PCGF5: variants seen among roughly 807,000 people sequenced by gnomAD.
The protein encoded by PCGF5 is polycomb group RING finger protein 5.
A neutral mutation model predicts 44.3 loss-of-function variants in PCGF5; 9 were observed. The observed-to-expected ratio is 0.20, with a 90% CI of 0.12 to 0.35. PCGF5 has a LOEUF of 0.35. Ranked by LOEUF, PCGF5 falls within the 10% of genes least tolerant of loss-of-function variation. The probability of loss-of-function intolerance (pLI) is 1.00; values close to 1 mark genes in which losing one functional copy is unlikely to be tolerated. For missense variants in PCGF5, 146 were observed against 305.3 expected, an observed-to-expected ratio of 0.48 and a Z score of 3.89; for synonymous variants, 95 against 102.5, an observed-to-expected ratio of 0.93 and a Z score of 0.44.
chr10:91,199,034 T>G (rs1197548416), intron 1 of PCGF5, among the ~76,000 whole-genome samples: 2 of 152,344 alleles, frequency 1.3e-5, no homozygotes, highest in African/African-American at 4.8e-5. Flanking sequence ...GTTCAGAAAC[T>G]GAAACTGCAT....
intron 9 of PCGF5, 65 bp downstream of exon 9, chr10:91,271,762 C>G (rs1368448640): frequency 7.5e-7 from 1 of 1,337,818 alleles, no homozygotes; most frequent in Non-Finnish European, 1.1e-6. Context: ...ACATTCATCC[C>G]AAACTCAATT....
chr10:91,184,664 T>C (rs192782803), intron 1 of PCGF5, among the ~76,000 whole-genome samples: 13 of 152,334 alleles, frequency 8.5e-5, no homozygotes, highest in Admixed American at 5.9e-4. Flanking sequence ...AGTGTTCTTG[T>C]GTTGATTCTT....
chr10:91,175,117 T>G (rs114746026), intron 1 of PCGF5, among the ~76,000 whole-genome samples: 4 of 152,158 alleles, frequency 2.6e-5, no homozygotes, highest in Non-Finnish European at 5.9e-5. Flanking sequence ...AAATGAGGGA[T>G]AGGTGGAAAA....
intron 1 of PCGF5, among the ~76,000 whole-genome samples, 173 bp from the exon 2 acceptor site, chr10:91,222,516 T>A (rs1844709956): frequency 6.6e-6 from 1 of 152,218 alleles, no homozygotes; most frequent in Non-Finnish European, 1.5e-5. Context: ...AATTTGTCAT[T>A]ATTCTGAATT....
rs777087746 is a variant in PCGF5, at chr10:91,282,230, A to G, written c.*3914A>G. 4.6e-5 allele frequency: 7 copies of G among 152,234 alleles called. No homozygotes were observed. Among genetic ancestry groups the G allele is most frequent in the Non-Finnish European group, 1.0e-4 (7 of 68,068 alleles). The allele number at this position is 152,234 out of a possible 1,614,324, so 9.4% of individuals were successfully genotyped here. A position where few individuals can be genotyped will look rare whatever the true frequency, so the allele number is the denominator to read the frequency against. ...CCGGGCACAGTGGCTCATGCCTGTA[A>G]TCCCAGCACTTTGGGAGGCCAAGGC... On this transcript the variant is annotated 3_prime_UTR_variant, in exon 10 of 10. Coordinates refer to ENST00000336126, the MANE Select transcript of PCGF5 (RefSeq NM_032373.5).
upstream of PCGF5, among the ~76,000 whole-genome samples, chr10:91,158,403 C>T (rs11186474): frequency 0.017 from 2,512 of 152,192 alleles, 76 homozygotes; most frequent in African/African-American, 0.058. Flanking sequence ...CTAGCTACGG[C>T]GAACTGAGGA....
chr10:91,230,429 G>A (rs941155660), intron 2 of PCGF5, among the ~76,000 whole-genome samples: 1 of 152,014 alleles, frequency 6.6e-6, no homozygotes, highest in African/African-American at 2.4e-5. Context: ...GACTTCTGGT[G>A]TTTTATATGT....
chr10:91,227,257 A>G, intron 2 of PCGF5: 2 of 452,642 alleles, frequency 4.4e-6, no homozygotes, highest in Non-Finnish European at 8.5e-6. Context: ...TTCCTGTGTG[A>G]ACTCATGTAT....
At chr10:91,236,266 C>T (rs756094273) in intron 2 of PCGF5, among the ~76,000 whole-genome samples, 1 of 152,156 alleles carries the variant, frequency 6.6e-6, no homozygotes, top group African/African-American at 2.4e-5. Flanking sequence ...CCTAGTCAGG[C>T]TCTCCAGCAC....
At chr10:91,160,515 G>T (rs1722259052), upstream of PCGF5, among the ~76,000 whole-genome samples, 1 of 152,088 alleles carries the variant, frequency 6.6e-6, no homozygotes, top group Non-Finnish European at 1.5e-5. Context: ...TGTCTGGAAG[G>T]GCAGCAACAG....
chr10:91,225,905 A>G (rs1589379411), intron 2 of PCGF5, among the ~76,000 whole-genome samples: 2 of 152,052 alleles, frequency 1.3e-5, no homozygotes, highest in African/African-American at 4.8e-5. Flanking sequence ...GTTTTCTTAT[A>G]TATAATGTAG....
At chr10:91,229,419 A>G (rs539843928) in intron 2 of PCGF5, among the ~76,000 whole-genome samples, 3 of 152,206 alleles carry the variant, frequency 2.0e-5, no homozygotes, top group Non-Finnish European at 2.9e-5. Context: ...GGATCAATCT[A>G]TGAAAAGGTT....
At chr10:91,181,151 C>G (rs1412228206) in intron 1 of PCGF5, among the ~76,000 whole-genome samples, 2 of 151,470 alleles carry the variant, frequency 1.3e-5, no homozygotes, top group Non-Finnish European at 3.0e-5. Flanking sequence ...TTGGCCTGAC[C>G]CTTGTTGGTA....
intron 1 of PCGF5, among the ~76,000 whole-genome samples, chr10:91,183,860 C>A (rs899033075): frequency 3.3e-5 from 5 of 152,218 alleles, no homozygotes; most frequent in Middle Eastern, 6.8e-3. Context: ...GTTGGAATTT[C>A]TTTTCTTTAA....
chr10:91,162,988 G>A (rs1232876963), upstream of PCGF5: 3 of 145,032 alleles, frequency 2.1e-5, no homozygotes, highest in Admixed American at 6.8e-5. Context: ...CGCCCCCGCC[G>A]GCGCGGGCTC....
At chr10:91,238,601 C>CTTTCTTTCTTTCT (rs1564644969) in intron 2 of PCGF5, among the ~76,000 whole-genome samples, 8 of 58,430 alleles carry the variant, frequency 1.4e-4, no homozygotes, top group African/African-American at 4.9e-4. Flanking sequence ...TTCTTTCTTT[C>CTTTCTTTCTTTCT]TTTTTTTTTT....
intron 2 of PCGF5, among the ~76,000 whole-genome samples, chr10:91,236,612 C>T (rs1319755261): frequency 1.3e-5 from 2 of 152,190 alleles, no homozygotes; most frequent in Non-Finnish European, 2.9e-5. Context: ...GAGAGTTTGG[C>T]ATGAAATCTT....
intron 1 of PCGF5, among the ~76,000 whole-genome samples, chr10:91,188,654 G>A (rs371637065): frequency 3.9e-5 from 6 of 152,082 alleles, no homozygotes; most frequent in Non-Finnish European, 7.4e-5. Context: ...TCTCATTCAC[G>A]TTCATTTCCT....
intron 9 of PCGF5, among the ~76,000 whole-genome samples, chr10:91,273,376 G>A (rs1325776724): frequency 1.3e-5 from 2 of 152,186 alleles, no homozygotes; most frequent in Non-Finnish European, 1.5e-5. Context: ...TGGTGTTGAT[G>A]CCTATGTATT....
Sources: allele counts gnomAD v4.1 joint callset (sites outside exome capture counted in the v4.1 genomes callset), GRCh38; gene constraint gnomAD v4.1.1; transcripts MANE v1.5; gene names NCBI Gene and HGNC (gene_info 2026-07-23, HGNC 2026-07-21).